Variants in C10orf67 observed in about 807,000 individuals in gnomAD.
C10orf67 encodes uncharacterized protein C10orf67, mitochondrial.
C10orf67 carries 60 observed loss-of-function variants against 35.6 expected under a neutral mutation model. The ratio of observed to expected loss-of-function variants is 1.68; its 90% CI spans 1.37 to 2.09. The LOEUF (loss-of-function observed/expected upper bound fraction) is 2.09, where lower values mean the gene tolerates loss of function less well. C10orf67 is among the 30% of genes most tolerant of loss of function. C10orf67 has a pLI of 0.00. For missense variants in C10orf67, 474 were observed against 330.2 expected (o/e 1.44, Z -3.38); for synonymous variants, 167 against 115.8 (o/e 1.44, Z -2.84).
At chr10:23,243,251 G>A (rs1195189980) in intron 12 of C10orf67, among the ~76,000 whole-genome samples, 2 of 152,088 alleles carry the variant, frequency 1.3e-5, no homozygotes, top group South Asian at 4.1e-4. Context: ...CTATAATCAT[G>A]GTAGAAAATT....
intron 4 of C10orf67, among the ~76,000 whole-genome samples, chr10:23,308,059 C>T (rs1426776124): frequency 6.6e-6 from 1 of 152,170 alleles, no homozygotes; most frequent in Non-Finnish European, 1.5e-5. Flanking sequence ...CTAGGCATTA[C>T]GTATCCAACA....
At chr10:23,338,354 C>T (rs1845764537) in intron 1 of C10orf67, among the ~76,000 whole-genome samples, 1 of 152,100 alleles carries the variant, frequency 6.6e-6, no homozygotes, top group South Asian at 2.1e-4. Context: ...TCTAACTAGT[C>T]AACAGCAGAG....
At chr10:23,206,817 A>G (rs2131699615) in intron 15 of C10orf67, among the ~76,000 whole-genome samples, 1 of 152,340 alleles carries the variant, frequency 6.6e-6, no homozygotes, top group Non-Finnish European at 1.5e-5. Context: ...CACTAGTTAC[A>G]TGAAGTGTGA....
At chr10:23,257,593 G>A (rs985198986) in intron 10 of C10orf67, among the ~76,000 whole-genome samples, 7 of 152,084 alleles carry the variant, frequency 4.6e-5, no homozygotes, top group Non-Finnish European at 7.3e-5. Context: ...CCTTGAGCTC[G>A]GGAGTTCGAG....
chr10:23,318,918 G>C, intron 4 of C10orf67: 1 of 777,086 alleles, frequency 1.3e-6, no homozygotes, highest in Admixed American at 1.7e-5. Flanking sequence ...TTTCACAGTG[G>C]CTGCAGCAAA....
chr10:23,287,226 T>C (rs1008793400), intron 7 of C10orf67, among the ~76,000 whole-genome samples: 19 of 152,130 alleles, frequency 1.2e-4, no homozygotes, highest in Non-Finnish European at 2.5e-4. Flanking sequence ...CTTCAAACTA[T>C]ACTACAAGGT....
chr10:23,291,245 G>C lies in C10orf67; in HGVS notation c.737C>G (p.Ser246Ter). Reference protein sequence around the residue: ...SFAKETSSPKSNLEKENLEYK... With the variant: ...SFAKETSSPK The stretch of plus-strand genomic sequence containing the variant: ...CTCCAAATTTTCCTTTTCTAGGTTT[G>C]ATTTTGGAGAGCTGGTTTCTTTGGC... Residue 246 changes from serine to a stop codon, truncating the protein, a stop_gained, in exon 6 of 16, where the codon TCA (serine) becomes TGA (stop). Coordinates refer to ENST00000636213, the MANE Select transcript of C10orf67 (RefSeq NM_001371909.1). LOFTEE classifies it high-confidence loss of function. The C allele has an allele frequency of 1.4e-6, 1 of 716,466 alleles. No homozygotes were observed. The highest frequency in any genetic ancestry group is 2.6e-6 in the Non-Finnish European group (1 of 384,868). The allele number at this position is 716,466 out of a possible 1,614,324, so 44.4% of individuals were successfully genotyped here. A position where few individuals can be genotyped will look rare whatever the true frequency, so the allele number is the denominator to read the frequency against.
At chr10:23,242,656 A>G (rs541230972) in intron 12 of C10orf67, among the ~76,000 whole-genome samples, 56 of 152,346 alleles carry the variant, frequency 3.7e-4, no homozygotes, top group African/African-American at 1.3e-3. Context: ...CTAAGGTTCT[A>G]GAATACTTGG....
At chr10:23,227,635 A>G (rs1230219534) in intron 13 of C10orf67, among the ~76,000 whole-genome samples, 1 of 152,232 alleles carries the variant, frequency 6.6e-6, no homozygotes. Context: ...TTTGGAAAAG[A>G]GGAAGTCAAA....
chr10:23,330,140 T>C (rs1845391333), intron 2 of C10orf67, among the ~76,000 whole-genome samples: 1 of 152,226 alleles, frequency 6.6e-6, no homozygotes, highest in African/African-American at 2.4e-5. Context: ...AACATTTGTA[T>C]CAGATTTTGG....
chr10:23,227,701 C>T (rs1207378896), intron 13 of C10orf67, among the ~76,000 whole-genome samples: 3 of 152,156 alleles, frequency 2.0e-5, no homozygotes, highest in Non-Finnish European at 2.9e-5. Flanking sequence ...ATCGTCTCAG[C>T]CTAAAATCTC....
intron 8 of C10orf67, among the ~76,000 whole-genome samples, chr10:23,280,866 C>A (rs112750086): frequency 1.2e-3 from 190 of 152,250 alleles, no homozygotes; most frequent in African/African-American, 4.5e-3. Flanking sequence ...AACAATATAA[C>A]ATTGGCTTTC....
intron 15 of C10orf67, among the ~76,000 whole-genome samples, chr10:23,206,756 C>T (rs150398345): frequency 6.6e-6 from 1 of 152,162 alleles, no homozygotes; most frequent in Non-Finnish European, 1.5e-5. Context: ...ACAGCCAAAG[C>T]CCTTTCTATT....
Position 23,331,191 on chromosome 10 carries a change from AAGGGAAGGGAAG to A in C10orf67, c.327+1859_327+1870del, listed in dbSNP as rs1564518844. On this transcript the variant is annotated intron_variant, in intron 2 of 15. Coordinates refer to ENST00000636213, the MANE Select transcript of C10orf67 (RefSeq NM_001371909.1). Reference sequence around the variant, plus strand: ...GGAACCGGGACGGGGAAGGGAAGGGAAGGGAAGGGAAGGGAAGAGGGAAGGGAAGGGAAGGGA... The same window carrying A: ...GGAACCGGGACGGGGAAGGGAAGGGAGGAAGAGGGAAGGGAAGGGAAGGGA... 3.1e-3 allele frequency among the ~76,000 whole-genome samples: 173 copies of A among 56,246 alleles called. 5 individuals carry two copies. Among genetic ancestry groups the A allele is most frequent in the Non-Finnish European group, 3.9e-3 (94 of 24,224 alleles). The allele number at this position is 56,246 out of a possible 152,430, so 36.9% of individuals were successfully genotyped here.
At chr10:23,293,975 T>G (rs1027909720) in intron 5 of C10orf67, among the ~76,000 whole-genome samples, 5 of 152,204 alleles carry the variant, frequency 3.3e-5, no homozygotes, top group Admixed American at 1.3e-4. Context: ...AGGTGATGCA[T>G]GTGAGCAGTA....
intron 1 of C10orf67, among the ~76,000 whole-genome samples, chr10:23,341,852 A>C (rs1242108288): frequency 6.6e-6 from 1 of 152,254 alleles, no homozygotes; most frequent in East Asian, 1.9e-4. Flanking sequence ...TTCTCAGTGA[A>C]GCCTTCCCTG....
At chr10:23,234,513 T>G (rs1407325589) in intron 13 of C10orf67, among the ~76,000 whole-genome samples, 1 of 151,988 alleles carries the variant, frequency 6.6e-6, no homozygotes, top group Non-Finnish European at 1.5e-5. Context: ...ACAACTACAT[T>G]GAGGCCTACC....
rs1841087796 is a variant in C10orf67, at chr10:23,204,001, A to G, written c.*172T>C. On this transcript the variant is annotated 3_prime_UTR_variant, in exon 16 of 16. Transcript: ENST00000636213. ...GGAAAGGAGCGCGCACAAGGCGCGC[A>G]TTGAGGTCTATTCGAGCGCAGTGCT... 2.6e-6 allele frequency: 1 copy of G among 381,330 alleles called. No individual in the cohort carries two copies. Among genetic ancestry groups the G allele is most frequent in the Admixed American group, 4.5e-5 (1 of 22,102 alleles). The allele number at this position is 381,330 out of a possible 1,614,324, so 23.6% of individuals were successfully genotyped here.
chr10:23,300,168 C>G (rs1378588371), intron 5 of C10orf67, among the ~76,000 whole-genome samples: 1 of 152,066 alleles, frequency 6.6e-6, no homozygotes, highest in Non-Finnish European at 1.5e-5. Context: ...GGATCTTTGT[C>G]CCCTGGGGCA....
Sources: gnomAD v4.1 joint callset for allele counts (sites outside exome capture counted in the v4.1 genomes callset) on GRCh38, gnomAD v4.1.1 for gene constraint, MANE v1.5 for transcripts, NCBI Gene and HGNC (gene_info 2026-07-23, HGNC 2026-07-21) for gene names.